The following QRSL1 variants were observed in gnomAD, a reference collection of about 807,000 sequenced individuals.
QRSL1 encodes glutaminyl-tRNA amidotransferase subunit QRSL1, also known as glutamyl-tRNA(Gln) amidotransferase subunit A, mitochondrial.
Under a neutral mutation model 61.6 loss-of-function variants are expected in QRSL1, and 54 were observed. That is an observed-to-expected ratio of 0.88 (90% confidence interval 0.70 to 1.10). The LOEUF is 1.10. QRSL1 is among the 50% of genes least tolerant of loss of function. The pLI, the probability that QRSL1 is intolerant of heterozygous loss-of-function variation, is 0.00. For missense variants in QRSL1, 505 were observed against 622.6 expected (o/e 0.81, Z 2.01); for synonymous variants, 228 against 225.7 (o/e 1.01, Z -0.09).
At chr6:106,646,914 G>C (rs56390046) in intron 4 of QRSL1, among the ~76,000 whole-genome samples, 1 of 150,566 alleles carries the variant, frequency 6.6e-6, no homozygotes, top group East Asian at 2.0e-4. Context: ...TGTAGTCCCC[G>C]CTACTCAGGA....
intron 5 of QRSL1, among the ~76,000 whole-genome samples, 167 bp downstream of exon 5, chr6:106,649,368 G>C (rs544297914): frequency 1.3e-5 from 2 of 152,062 alleles, no homozygotes; most frequent in East Asian, 1.9e-4. Flanking sequence ...CAACTGTACA[G>C]TACACTATGT....
intron 9 of QRSL1, among the ~76,000 whole-genome samples, chr6:106,658,903 C>G (rs1174473098): frequency 6.6e-6 from 1 of 152,164 alleles, no homozygotes; most frequent in Admixed American, 6.5e-5. Context: ...GGACTCTCTT[C>G]ACATGTATAT....
At chr6:106,631,181 A>G (rs201171815) in intron 1 of QRSL1, among the ~76,000 whole-genome samples, 1 of 152,304 alleles carries the variant, frequency 6.6e-6, no homozygotes, top group African/African-American at 2.4e-5. Flanking sequence ...AGCCAAGATC[A>G]CGCCACTGCA....
intron 1 of QRSL1, among the ~76,000 whole-genome samples, chr6:106,633,639 A>C (rs1384252951): frequency 6.6e-6 from 1 of 152,138 alleles, no homozygotes; most frequent in Non-Finnish European, 1.5e-5. Flanking sequence ...AGGAAATCTC[A>C]CTTTTACCTT....
At chr6:106,661,036 T>C (rs1303092757) in intron 9 of QRSL1, among the ~76,000 whole-genome samples, 2 of 152,202 alleles carry the variant, frequency 1.3e-5, no homozygotes, top group African/African-American at 2.4e-5. Context: ...TACTCTATCT[T>C]GGATGGAAGC....
chr6:106,654,122 C>G (rs369791030), intron 7 of QRSL1, among the ~76,000 whole-genome samples: 1 of 152,054 alleles, frequency 6.6e-6, no homozygotes, highest in Non-Finnish European at 1.5e-5. Flanking sequence ...GAGGCCGAGG[C>G]GGGCAGATCA....
rs1436028699 is a variant in QRSL1, at chr6:106,667,528, T to C, written c.*1526T>C. The C allele has an allele frequency of 1.3e-5, 2 of 152,174 alleles. No homozygotes were observed. The highest frequency in any genetic ancestry group is 2.9e-5 in the Non-Finnish European group (2 of 68,038). 9.4% of individuals were successfully genotyped at this position (152,174 alleles called of 1,614,324 possible). ...TGAATTGTTACTTAATAAATTCACTTTGTTTAGTAAAAAAAAATTGTTTTC... is the reference window on the plus strand; with the variant it reads ...TGAATTGTTACTTAATAAATTCACTCTGTTTAGTAAAAAAAAATTGTTTTC... On this transcript the variant is annotated 3_prime_UTR_variant, in exon 11 of 11. Coordinates refer to ENST00000369046, the MANE Select transcript of QRSL1 (RefSeq NM_018292.5).
At chr6:106,642,279 C>T (rs1169447735) in intron 3 of QRSL1, among the ~76,000 whole-genome samples, 1 of 152,224 alleles carries the variant, frequency 6.6e-6, no homozygotes, top group Non-Finnish European at 1.5e-5. Context: ...TGGTCTCGAA[C>T]TCCTAACCTC....
chr6:106,631,416 T>A (rs926286830), intron 1 of QRSL1, among the ~76,000 whole-genome samples: 2 of 152,224 alleles, frequency 1.3e-5, no homozygotes, highest in Non-Finnish European at 2.9e-5. Context: ...ATGTGTAATA[T>A]TGTAAACTAT....
At chr6:106,642,639 A>G in intron 3 of QRSL1, 1 of 781,880 alleles carries the variant, frequency 1.3e-6, no homozygotes, top group Non-Finnish European at 2.3e-6. Flanking sequence ...AAAACTGGAG[A>G]GTACACAGTG....
intron 9 of QRSL1, among the ~76,000 whole-genome samples, chr6:106,656,096 A>G (rs1777266552): frequency 6.6e-6 from 1 of 152,252 alleles, no homozygotes; most frequent in South Asian, 2.1e-4. Context: ...TTTACATTGT[A>G]TTAGATGTTA....
At chr6:106,638,748 G>C (rs1032203101) in intron 1 of QRSL1, among the ~76,000 whole-genome samples, 1 of 152,102 alleles carries the variant, frequency 6.6e-6, no homozygotes, top group East Asian at 1.9e-4. Context: ...TCCTCTTGTC[G>C]GTGAGCATTA....
intron 2 of QRSL1, 100 bp from the exon 3 acceptor site, chr6:106,640,723 T>A (rs923821737): frequency 8.7e-7 from 1 of 1,146,904 alleles, no homozygotes; most frequent in South Asian, 1.4e-5. Flanking sequence ...TCTGAAGAAG[T>A]ATCTTTGCCA....
rs1251192432 is a variant in QRSL1, at chr6:106,629,636, T to C, written c.-46T>C. 2 of 1,581,362 alleles carry C rather than the reference T, an allele frequency of 1.3e-6. No individual in the cohort carries two copies. The highest frequency in any genetic ancestry group is 2.3e-5 in the East Asian group (1 of 43,178). On this transcript the variant is annotated 5_prime_UTR_variant, in exon 1 of 11. Transcript: ENST00000369046. The stretch of plus-strand genomic sequence containing the variant: ...ATCACTAGCGACCGGTGACCTCTTT[T>C]TCCCCCTTGCCTGGCTCCTGTGGTG...
intron 9 of QRSL1, among the ~76,000 whole-genome samples, chr6:106,660,530 T>G (rs1777340144): frequency 6.6e-6 from 1 of 152,144 alleles, no homozygotes; most frequent in Non-Finnish European, 1.5e-5. Flanking sequence ...GTCTGTTGCC[T>G]AATGCCTGAA....
intron 1 of QRSL1, among the ~76,000 whole-genome samples, chr6:106,636,393 T>C (rs1233970864): frequency 3.3e-5 from 5 of 151,132 alleles, no homozygotes; most frequent in African/African-American, 1.2e-4. Flanking sequence ...CAATTTTGGC[T>C]CACTGCAACA....
Position 106,649,141 on chromosome 6 carries a change from T to C in QRSL1, c.497T>C (p.Leu166Pro). The change falls in exon 5 of 11, where the codon CTG (leucine) becomes CCG (proline). Residue 166 changes from leucine to proline, a missense_variant. By Grantham distance (98) the Leu-to-Pro change is moderately conservative. Coordinates refer to ENST00000369046, the MANE Select transcript of QRSL1 (RefSeq NM_018292.5). ...PHSENEDSDW[L>P]ITGGSSGGSA... ...AGCGAGAATGAAGATTCAGACTGGC[T>C]GATAACTGGAGGAAGCTCAGGTGGG... is the stretch of plus-strand genomic sequence containing the variant. 2 of 1,614,212 alleles carry C rather than the reference T, an allele frequency of 1.2e-6. No homozygotes were observed. Among genetic ancestry groups the C allele is most frequent in the South Asian group, 2.2e-5 (2 of 91,082 alleles).
intron 1 of QRSL1, among the ~76,000 whole-genome samples, chr6:106,638,898 G>A (rs1776964552): frequency 6.6e-6 from 1 of 152,100 alleles, no homozygotes; most frequent in African/African-American, 2.4e-5. Flanking sequence ...AACTTCTGTT[G>A]CTTTATGGAA....
rs112519650 is a variant in QRSL1, at chr6:106,645,696, T to C, written c.380+2606T>C. ...TCGTCCTCCCAAAGTGTTGGGATTA[T>C]AGGCGTGAGCCACCGCCCCCAGCCA... On this transcript the variant is annotated intron_variant, in intron 4 of 10. Coordinates refer to ENST00000369046, the MANE Select transcript of QRSL1 (RefSeq NM_018292.5). 4.1e-3 allele frequency among the ~76,000 whole-genome samples: 631 copies of C among 152,366 alleles called. 2 individuals carry two copies. Among genetic ancestry groups the C allele is most frequent in the Non-Finnish European group, 6.6e-3 (449 of 68,034 alleles).
Sources: allele counts gnomAD v4.1 joint callset (sites outside exome capture counted in the v4.1 genomes callset), GRCh38; gene constraint gnomAD v4.1.1; transcripts MANE v1.5; gene names NCBI Gene and HGNC (gene_info 2026-07-23, HGNC 2026-07-21).